Variants in IFIT5 observed in about 807,000 individuals in gnomAD.
The protein encoded by IFIT5 is interferon induced protein with tetratricopeptide repeats 5, also known as interferon-induced protein with tetratricopeptide repeats 5.
A neutral mutation model predicts 5.0 loss-of-function variants in IFIT5; 2 were observed. That is an observed-to-expected ratio of 0.40 (90% CI 0.16 to 1.26). The LOEUF is 1.26. IFIT5 is among the 50% of genes most tolerant of loss of function. The probability of loss-of-function intolerance (pLI) is 0.33; values close to 1 mark genes in which losing one functional copy is unlikely to be tolerated. For missense variants in IFIT5, 524 were observed against 563.2 expected, an observed-to-expected ratio of 0.93 and a Z score of 0.70; for synonymous variants, 206 against 204.6, an observed-to-expected ratio of 1.01 and a Z score of -0.06.
chr10:89,418,415 G>A lies in IFIT5; in HGVS notation c.1216G>A (p.Val406Ile). The A allele has an allele frequency of 6.2e-7, 1 of 1,614,158 alleles. No homozygotes were observed. Among genetic ancestry groups the A allele is most frequent in the South Asian group, 1.1e-5 (1 of 91,080 alleles). ...CCATCATTATTTAGAAGCCTTAAAG[G>A]TCAAAGACAGATCACCCCTTCGCAC... ...AIHHYLEALK[V>I]KDRSPLRTKL... Residue 406 changes from valine to isoleucine, a missense_variant, in exon 2 of 2, where the codon GTC (valine) becomes ATC (isoleucine). By Grantham distance (29) the Val-to-Ile change is conservative. Coordinates refer to ENST00000371795, the MANE Select transcript of IFIT5 (RefSeq NM_012420.3).
chr10:89,418,546 A>C lies in IFIT5; in HGVS notation c.1347A>C (p.Gly449=). 6.2e-7 allele frequency: 1 copy of C among 1,614,196 alleles called. No individual in the cohort carries two copies. Among genetic ancestry groups the C allele is most frequent in the Non-Finnish European group, 8.5e-7 (1 of 1,180,020 alleles). Residue 449 remains glycine (G), a synonymous_variant, in exon 2 of 2, where the codon GGA becomes GGC. Coordinates refer to ENST00000371795, the MANE Select transcript of IFIT5 (RefSeq NM_012420.3). ...SALGFVYKLE[G]EKRQAAEYYE... ...TAGGGTTTGTTTACAAGCTGGAAGG[A>C]GAAAAGAGGCAAGCTGCTGAGTACT...
Position 89,418,040 on chromosome 10 carries a change from ACTT to A in IFIT5, c.848_850del (p.Ser283del), listed in dbSNP as rs771602485. 16 of 1,614,102 alleles carry A rather than the reference ACTT, an allele frequency of 9.9e-6. No homozygotes were observed. The highest frequency in any genetic ancestry group is 3.3e-5 in the South Asian group (3 of 91,090). On this transcript the variant is annotated inframe_deletion, in exon 2 of 2. Transcript: ENST00000371795. ...AAAAAAGGCCTTGGAGGTGACACCA[ACTT>A]CTTCTTTCCTGCATCACCAGATGGG...
In IFIT5 at chr10:89,418,047, C is replaced by G; in HGVS notation, c.848C>G (p.Ser283Cys). 6.2e-7 allele frequency: 1 copy of G among 1,614,226 alleles called. No individual in the cohort carries two copies. Among genetic ancestry groups the G allele is most frequent in the African/African-American group, 1.3e-5 (1 of 75,062 alleles). Reference sequence around the variant, plus strand: ...GCCTTGGAGGTGACACCAACTTCTTCTTTCCTGCATCACCAGATGGGACTT... The same window carrying G: ...GCCTTGGAGGTGACACCAACTTCTTGTTTCCTGCATCACCAGATGGGACTT... ...KKALEVTPTS[S>C]FLHHQMGLCY... Residue 283 changes from serine (S) to cysteine (C), a missense_variant, in exon 2 of 2, where the codon TCT (serine) becomes TGT (cysteine). Ser to Cys is a moderately radical substitution (Grantham distance 112). Coordinates refer to ENST00000371795, the MANE Select transcript of IFIT5 (RefSeq NM_012420.3).
rs771362408 is a variant in IFIT5, at chr10:89,418,108, C to T, written c.909C>T (p.Ala303=). ...CACAAATGATCCAAATCAAGAAGGC[C>T]ACACACAACAGACCTAAAGGAAAGG... is the stretch of plus-strand genomic sequence containing the variant. ...YRAQMIQIKK[A]THNRPKGKDK... The change falls in exon 2 of 2, where the codon GCC becomes GCT. Residue 303 remains alanine (A), a synonymous_variant. Coordinates refer to ENST00000371795, the MANE Select transcript of IFIT5 (RefSeq NM_012420.3). The T allele has an allele frequency of 6.2e-7, 1 of 1,614,106 alleles. No individual in the cohort carries two copies. The highest frequency in any genetic ancestry group is 8.5e-7 in the Non-Finnish European group (1 of 1,180,000).
At position 89,419,949 on chromosome 10, in the gene IFIT5, TTTTG is replaced by T. The variant is rs1417644559; in HGVS notation, c.*1305_*1308del. The T allele has an allele frequency of 3.3e-5, 5 of 152,134 alleles. No individual in the cohort carries two copies. The highest frequency in any genetic ancestry group is 7.4e-5 in the Non-Finnish European group (5 of 68,022). The allele number at this position is 152,134 out of a possible 1,614,324, so 9.4% of individuals were successfully genotyped here. The stretch of plus-strand genomic sequence containing the variant: ...ATTATGTATGTGTGTGTGTTTTACT[TTTTG>T]TTTTTTATCATCTTTAAAATTTCTA... On this transcript the variant is annotated 3_prime_UTR_variant, in exon 2 of 2. Transcript: ENST00000371795.
chr10:89,415,347 C>CA (rs1841524733), intron 1 of IFIT5, among the ~76,000 whole-genome samples: 1 of 152,208 alleles, frequency 6.6e-6, no homozygotes, highest in Non-Finnish European at 1.5e-5. Context: ...CCTCTCTTTC[C>CA]AGCTGCCATT....
Position 89,418,621 on chromosome 10 carries a change from T to C in IFIT5, c.1422T>C (p.Ala474=). Residue 474 remains alanine, a synonymous_variant, in exon 2 of 2, where the codon GCT becomes GCC. Transcript: ENST00000371795. ...IDPENAEFLT[A]LCELRLSI is the part of the protein sequence containing the mutation. ...CAGAAAATGCAGAATTCCTGACTGC[T>C]CTCTGTGAGCTCCGACTTTCCATTT... 6.2e-7 allele frequency: 1 copy of C among 1,612,862 alleles called. No individual in the cohort carries two copies.
chr10:89,417,960 AT>A lies in IFIT5; in HGVS notation c.762del (p.Tyr254Ter), dbSNP rs774364102. 1.2e-6 allele frequency: 2 copies of A among 1,614,208 alleles called. No individual in the cohort carries two copies. Among genetic ancestry groups the A allele is most frequent in the East Asian group, 2.2e-5 (1 of 44,880 alleles). On this transcript the variant is annotated frameshift_variant, in exon 2 of 2. Coordinates refer to ENST00000371795, the MANE Select transcript of IFIT5 (RefSeq NM_012420.3). LOFTEE classifies it low-confidence loss of function (END_TRUNC). ...TCATCCCAGCCTTACGTCCTTCGTTATGCAGCCAAGTTCTATAGGAGAAAAA... is the reference window on the plus strand; with the variant it reads ...TCATCCCAGCCTTACGTCCTTCGTTAGCAGCCAAGTTCTATAGGAGAAAAA... Reference protein sequence around the residue: ...QISSQPYVLRYAAKFYRRKNS... With the variant: ...QISSQPYVLRXAAKFYRRKNS...
Position 89,419,314 on chromosome 10 carries a change from T to C in IFIT5, c.*666T>C, listed in dbSNP as rs1022333339. The C allele has an allele frequency of 3.3e-5, 5 of 151,690 alleles. No homozygotes were observed. The highest frequency in any genetic ancestry group is 7.4e-5 in the Non-Finnish European group (5 of 67,930). 9.4% of individuals were successfully genotyped at this position (151,690 alleles called of 1,614,324 possible). A position where few individuals can be genotyped will look rare whatever the true frequency, so the allele number is the denominator to read the frequency against. The stretch of plus-strand genomic sequence containing the variant: ...TTTATTAAGTAGCTAGAAATAATTA[T>C]GTGGAAAAAAATGAATAATGGAAAA... On this transcript the variant is annotated 3_prime_UTR_variant, in exon 2 of 2. Coordinates refer to ENST00000371795, the MANE Select transcript of IFIT5 (RefSeq NM_012420.3).
Position 89,417,800 on chromosome 10 carries a change from CTG to C in IFIT5, c.602_603del (p.Leu201ArgfsTer13), listed in dbSNP as rs1419560873. On this transcript the variant is annotated frameshift_variant, in exon 2 of 2. Transcript: ENST00000371795. LOFTEE classifies it low-confidence loss of function (END_TRUNC). ...DREGSVKSFS[L>X]GPLRKAVTLN... ...AGAAGGGTCTGTAAAGAGCTTTTCT[CTG>C]GGGCCTTTGAGAAAGGCTGTTACCC... 1.2e-6 allele frequency: 2 copies of C among 1,614,024 alleles called. No individual in the cohort carries two copies. The highest frequency in any genetic ancestry group is 4.5e-5 in the East Asian group (2 of 44,888).
Position 89,414,751 on chromosome 10 carries a change from C to T in IFIT5, c.-48C>T, listed in dbSNP as rs762626795. On this transcript the variant is annotated 5_prime_UTR_variant, in exon 1 of 2. Coordinates refer to ENST00000371795, the MANE Select transcript of IFIT5 (RefSeq NM_012420.3). ...GCGGTCCCCGGTGCTGAGGAGAGAG[C>T]GATCCGAGGGACTGCGCCGCCCGGA... The T allele has an allele frequency of 2.0e-4, 314 of 1,599,478 alleles. 2 individuals are homozygous for T. The Middle Eastern group carries it at 5.5e-3, about 28-fold the overall frequency.
At chr10:89,417,076 GA>G (rs1455596917) in intron 1 of IFIT5, 128 bp from the exon 2 acceptor site, 1 of 739,094 alleles carries the variant, frequency 1.4e-6, no homozygotes, top group Non-Finnish European at 2.1e-6. Flanking sequence ...AAAGTTATGG[GA>G]AACTTATGTT....
rs141518852 is a variant in IFIT5 at position 89,418,035 on chromosome 10, C to T, written c.836C>T (p.Thr279Ile). Residue 279 changes from threonine (T) to isoleucine (I), a missense_variant, in exon 2 of 2, where the codon ACA becomes ATA. Physicochemically the swap from Thr to Ile is moderately conservative, Grantham distance 89 (BLOSUM62 -1). Coordinates refer to ENST00000371795, the MANE Select transcript of IFIT5 (RefSeq NM_012420.3). ...LELLKKALEV[T>I]PTSSFLHHQM... ...CTTTTAAAAAAGGCCTTGGAGGTGA[C>T]ACCAACTTCTTCTTTCCTGCATCAC... The T allele has an allele frequency of 6.2e-7, 1 of 1,614,180 alleles. No individual in the cohort carries two copies. Among genetic ancestry groups the T allele is most frequent in the African/African-American group, 1.3e-5 (1 of 75,034 alleles).
Position 89,418,841 on chromosome 10 carries a change from C to G in IFIT5, c.*193C>G, listed in dbSNP as rs529700595. The G allele has an allele frequency of 4.0e-6, 2 of 501,784 alleles. No homozygotes were observed. Among genetic ancestry groups the G allele is most frequent in the South Asian group, 9.8e-5 (2 of 20,474 alleles). The allele number at this position is 501,784 out of a possible 1,614,324, so 31.1% of individuals were successfully genotyped here. On this transcript the variant is annotated 3_prime_UTR_variant, in exon 2 of 2. Transcript: ENST00000371795. ...CTTGTGCGGTTTTCTTTCTTTTTTT[C>G]TTTTTAATTAAAATACTATAATCCA...
chr10:89,420,857 G>GT lies in IFIT5; in HGVS notation c.*2210dup, dbSNP rs1279852812. The GT allele has an allele frequency of 6.6e-6, 1 of 152,194 alleles. No individual in the cohort carries two copies. The highest frequency in any genetic ancestry group is 1.5e-5 in the Non-Finnish European group (1 of 68,034). The allele number at this position is 152,194 out of a possible 1,614,324, so 9.4% of individuals were successfully genotyped here. On this transcript the variant is annotated 3_prime_UTR_variant, in exon 2 of 2. Coordinates refer to ENST00000371795, the MANE Select transcript of IFIT5 (RefSeq NM_012420.3). ...GGAGCTACTGATGGACATGTGAAAA[G>GT]TAAGTATAAATGGAATAAAATTAAT...
chr10:89,417,285 T>C lies in IFIT5; in HGVS notation c.86T>C (p.Ile29Thr), dbSNP rs1841547996. The C allele has an allele frequency of 1.2e-6, 2 of 1,614,118 alleles. No homozygotes were observed. Among genetic ancestry groups the C allele is most frequent in the Non-Finnish European group, 1.7e-6 (2 of 1,179,976 alleles). ...HFTWNLLKED[I>T]DLFEVEDTIG... ...ACATGGAATTTACTTAAGGAAGACA[T>C]TGATCTGTTTGAGGTAGAAGATACA... The change falls in exon 2 of 2, where the codon ATT becomes ACT. Residue 29 changes from isoleucine (I) to threonine (T), a missense_variant. By Grantham distance (89) the Ile-to-Thr change is moderately conservative. Coordinates refer to ENST00000371795, the MANE Select transcript of IFIT5 (RefSeq NM_012420.3).
In IFIT5 at chr10:89,417,793, CTT is replaced by C. The variant is rs768414149; in HGVS notation, c.597_598del (p.Leu201GlyfsTer13). On this transcript the variant is annotated frameshift_variant, in exon 2 of 2. Coordinates refer to ENST00000371795, the MANE Select transcript of IFIT5 (RefSeq NM_012420.3). LOFTEE classifies it low-confidence loss of function (END_TRUNC). The part of the protein sequence containing the change: ...DSDREGSVKS[F>X]SLGPLRKAVT... ...CTGATAGAGAAGGGTCTGTAAAGAG[CTT>C]TTCTCTGGGGCCTTTGAGAAAGGCT... is the stretch of plus-strand genomic sequence containing the variant. 1.2e-6 allele frequency: 2 copies of C among 1,614,158 alleles called. No homozygotes were observed.
Position 89,418,707 on chromosome 10 carries a change from G to GTTTT in IFIT5, c.*66_*69dup. 2 of 1,335,466 alleles carry GTTTT rather than the reference G, an allele frequency of 1.5e-6. No homozygotes were observed. Among genetic ancestry groups the GTTTT allele is most frequent in the Non-Finnish European group, 2.0e-6 (2 of 995,390 alleles). 82.7% of individuals were successfully genotyped at this position (1,335,466 alleles called of 1,614,324 possible). On this transcript the variant is annotated 3_prime_UTR_variant, in exon 2 of 2. Coordinates refer to ENST00000371795, the MANE Select transcript of IFIT5 (RefSeq NM_012420.3). ...CCCTTCATTTTGGGTTCTCCTGTTT[G>GTTTT]TTTTTTTTTTATTATTTTAATCCCT...
chr10:89,417,368 T>C lies in IFIT5; in HGVS notation c.169T>C (p.Leu57=), dbSNP rs772216245. The change falls in exon 2 of 2, where the codon TTG becomes CTG. Residue 57 remains leucine, a synonymous_variant. Coordinates refer to ENST00000371795, the MANE Select transcript of IFIT5 (RefSeq NM_012420.3). ...ATCTAGACTTGCTCTTTATAACCTA[T>C]TGGCCTATGTGAAACACCTAAAAGG... ...TKSRLALYNL[L]AYVKHLKGQN... 8.1e-6 allele frequency: 13 copies of C among 1,614,170 alleles called. No individual in the cohort carries two copies. In the South Asian group the frequency reaches 1.3e-4, roughly 16 times the overall value.
Sources: allele counts gnomAD v4.1 joint callset (sites outside exome capture counted in the v4.1 genomes callset), GRCh38; gene constraint gnomAD v4.1.1; transcripts MANE v1.5; gene names NCBI Gene and HGNC (gene_info 2026-07-23, HGNC 2026-07-21).